Variants in DNAH6 observed in about 807,000 individuals in gnomAD.
The protein encoded by DNAH6 is axonemal beta dynein heavy chain 6.
In DNAH6, 340 loss-of-function variants were observed where a neutral mutation model predicts 491.4. That is an observed-to-expected ratio of 0.69 (90% CI 0.63 to 0.76). DNAH6 has a LOEUF of 0.76. DNAH6 is among the 30% of genes least tolerant of loss of function. DNAH6 has a pLI of 0.00. For missense variants in DNAH6, 4,443 were observed against 4,972.2 expected (o/e 0.89, Z 3.20); for synonymous variants, 1,603 against 1,686.1 (o/e 0.95, Z 1.21).
intron 29 of DNAH6, among the ~76,000 whole-genome samples, chr2:84,628,996 T>G (rs893323877): frequency 1.3e-5 from 2 of 152,184 alleles, no homozygotes; most frequent in Non-Finnish European, 2.9e-5. Context: ...TGTGTGTGTG[T>G]GGTCCTAAAT....
chr2:84,643,475 T>C (rs1689611828), intron 33 of DNAH6, among the ~76,000 whole-genome samples: 1 of 152,148 alleles, frequency 6.6e-6, no homozygotes, highest in Non-Finnish European at 1.5e-5. Flanking sequence ...TTTTTCTCCC[T>C]CTCTTACCCT....
intron 15 of DNAH6, among the ~76,000 whole-genome samples, chr2:84,585,712 C>A (rs1268375013): frequency 6.6e-6 from 1 of 152,064 alleles, no homozygotes; most frequent in Non-Finnish European, 1.5e-5. Context: ...CAGCTGGTAG[C>A]CCCGACATCT....
chr2:84,719,137 G>A (rs937416670), intron 59 of DNAH6, among the ~76,000 whole-genome samples: 4 of 152,006 alleles, frequency 2.6e-5, no homozygotes, highest in African/African-American at 9.7e-5. Flanking sequence ...TTTTGCTTTT[G>A]TTGACATCAA....
Position 84,544,467 on chromosome 2 carries a change from A to C in DNAH6, c.897A>C (p.Lys299Asn). The C allele has an allele frequency of 6.6e-7, 1 of 1,508,930 alleles. No homozygotes were observed. Among genetic ancestry groups the C allele is most frequent in the Non-Finnish European group, 9.0e-7 (1 of 1,108,928 alleles). The allele number at this position is 1,508,930 out of a possible 1,614,324, so 93.5% of individuals were successfully genotyped here. The change falls in exon 5 of 77, where the codon AAA (lysine) becomes AAC (asparagine). Residue 299 changes from lysine (K) to asparagine (N), a missense_variant. By Grantham distance (94) the Lys-to-Asn change is moderately conservative. Transcript: ENST00000389394. ...VRSKKITGCQ[K>N]SLQKNLFIVN... ...CCAAGAAAATCACTGGATGTCAAAA[A>C]TCTCTACAAAAAAATTTGTTCATTG...
chr2:84,470,957 G>A, the DNAH6 span, among the ~76,000 whole-genome samples: 17 of 152,246 alleles, frequency 1.1e-4, no homozygotes, highest in South Asian at 3.5e-3. Context: ...TGAGAATGTG[G>A]GGGTCAAAAG....
the DNAH6 span, among the ~76,000 whole-genome samples, chr2:84,492,674 T>G: frequency 6.6e-6 from 1 of 152,304 alleles, no homozygotes; most frequent in South Asian, 2.1e-4. Context: ...GCCATATTGC[T>G]CTTACATCTA....
In DNAH6 at chr2:84,616,972, A is replaced by G. The variant is rs1442492921; in HGVS notation, c.3562A>G (p.Ile1188Val). ...GGCATACTTAGAATCAAAAAGAGTT[A>G]TCTTTCCAAGGTAAGTTTATAAAGC... Reference protein sequence around the residue: ...LEAYLESKRVIFPRFYFLSND... With the variant: ...LEAYLESKRVVFPRFYFLSND... The change falls in exon 23 of 77, where the codon ATC becomes GTC. Residue 1188 changes from isoleucine to valine, a missense_variant. Ile to Val is a conservative substitution (Grantham distance 29). Around this residue, in one of 3 missense-constraint regions of DNAH6, gnomAD observed 2,977 missense variants for 3,296.6 expected, o/e 0.90. Transcript: ENST00000389394. 8.1e-6 allele frequency: 12 copies of G among 1,486,354 alleles called. No individual in the cohort carries two copies. Among genetic ancestry groups the G allele is most frequent in the Non-Finnish European group, 9.0e-7 (1 of 1,116,906 alleles). The allele number at this position is 1,486,354 out of a possible 1,614,324, so 92.1% of individuals were successfully genotyped here.
chr2:84,777,632 A>G (rs1161200743), intron 64 of DNAH6: 1 of 804,180 alleles, frequency 1.2e-6, no homozygotes, highest in East Asian at 2.4e-5. Flanking sequence ...GACATCAGCA[A>G]CATTCACTCC....
intron 10 of DNAH6, among the ~76,000 whole-genome samples, chr2:84,557,470 C>T (rs1344653556): frequency 6.6e-6 from 1 of 150,712 alleles, no homozygotes; most frequent in Non-Finnish European, 1.5e-5. Context: ...CAAGGTGAAA[C>T]CCCGTCTCTA....
At chr2:84,744,966 C>A in intron 62 of DNAH6, 114 bp from the exon 63 acceptor site, 1 of 659,032 alleles carries the variant, frequency 1.5e-6, no homozygotes, top group Non-Finnish European at 2.4e-6. Flanking sequence ...TTATAGTATA[C>A]TTGTGGTTAA....
intron 22 of DNAH6, among the ~76,000 whole-genome samples, chr2:84,612,090 C>T (rs183663297): frequency 8.6e-5 from 13 of 151,988 alleles, no homozygotes; most frequent in African/African-American, 2.2e-4. Flanking sequence ...TTTGTAGTTT[C>T]GGAAAAGGAG....
intron 35 of DNAH6, among the ~76,000 whole-genome samples, chr2:84,655,943 C>T (rs902749080): frequency 1.3e-5 from 2 of 152,076 alleles, no homozygotes; most frequent in Non-Finnish European, 2.9e-5. Context: ...TTCCTCTAAG[C>T]TCTACATATT....
chr2:84,581,479 G>A (rs886512222), intron 14 of DNAH6, among the ~76,000 whole-genome samples: 2 of 152,168 alleles, frequency 1.3e-5, no homozygotes, highest in African/African-American at 4.8e-5. Context: ...TTCATACAAA[G>A]AGCATAGGAA....
chr2:84,788,140 G>A (rs1310947115), intron 68 of DNAH6, among the ~76,000 whole-genome samples: 1 of 152,166 alleles, frequency 6.6e-6, no homozygotes, highest in Non-Finnish European at 1.5e-5. Context: ...AACCAATAGG[G>A]AAAGGCCTGG....
Position 84,666,036 on chromosome 2 carries a change from C to A in DNAH6, c.6085-3253C>A, listed in dbSNP as rs555590380. Among the ~76,000 whole-genome samples, 4 of 152,120 alleles carry A rather than the reference C, an allele frequency of 2.6e-5. No homozygotes were observed. In the South Asian group the frequency reaches 8.3e-4, roughly 32 times the overall value. On this transcript the variant is annotated intron_variant, in intron 37 of 76. Coordinates refer to ENST00000389394, the MANE Select transcript of DNAH6 (RefSeq NM_001370.2). Reference sequence around the variant, plus strand: ...TCTCAATAGATGCAGAAAAGGCCTTCAACGAAATTCAACAGCTCTTCATGC... The same window carrying A: ...TCTCAATAGATGCAGAAAAGGCCTTAAACGAAATTCAACAGCTCTTCATGC...
At chr2:84,723,668 G>A (rs1010126335) in intron 60 of DNAH6, among the ~76,000 whole-genome samples, 6 of 151,984 alleles carry the variant, frequency 3.9e-5, no homozygotes, top group African/African-American at 7.3e-5. Context: ...CCTTCCCTGC[G>A]CCCACTTCTG....
At position 84,653,479 on chromosome 2, in the gene DNAH6, CA is replaced by C; in HGVS notation, c.5240del (p.His1747LeufsTer5). On this transcript the variant is annotated frameshift_variant, in exon 34 of 77. Coordinates refer to ENST00000389394, the MANE Select transcript of DNAH6 (RefSeq NM_001370.2). LOFTEE classifies it high-confidence loss of function. ...GTTTTATGAAACTATGCTAGTAAGG[CA>C]TGGTGTTATGTTAGTCGGGCCAACA... ...IQFYETMLVR[H>X]GVMLVGPTGG... 6.4e-7 allele frequency: 1 copy of C among 1,551,220 alleles called. No individual in the cohort carries two copies. The highest frequency in any genetic ancestry group is 8.7e-7 in the Non-Finnish European group (1 of 1,146,692).
intron 2 of DNAH6, among the ~76,000 whole-genome samples, chr2:84,518,633 A>G (rs549537768): frequency 7.9e-5 from 12 of 152,346 alleles, no homozygotes; most frequent in African/African-American, 2.9e-4. Flanking sequence ...GTGTATCACT[A>G]ACCGTTGATG....
At chr2:84,645,265 C>T (rs555750990) in intron 33 of DNAH6, among the ~76,000 whole-genome samples, 2 of 152,048 alleles carry the variant, frequency 1.3e-5, no homozygotes, top group Admixed American at 6.6e-5. Context: ...ACTAAAAATA[C>T]AAAATTAGCT....
Sources: allele counts gnomAD v4.1 joint callset (sites outside exome capture counted in the v4.1 genomes callset), GRCh38; gene constraint gnomAD v4.1.1; regional missense constraint gnomAD v4.1.1; transcripts MANE v1.5; gene names NCBI Gene and HGNC (gene_info 2026-07-23, HGNC 2026-07-21).